The following ATAD3A variants were observed in gnomAD, a reference collection of about 807,000 sequenced individuals.
ATAD3A encodes ATPase family AAA domain containing 3A, also known as ATPase family AAA domain-containing protein 3A.
Under a neutral mutation model 73.8 loss-of-function variants are expected in ATAD3A, and 46 were observed. The observed-to-expected ratio is 0.62, with a 90% CI of 0.49 to 0.80. The LOEUF (loss-of-function observed/expected upper bound fraction) is 0.80. Ranked by LOEUF, ATAD3A falls within the 30% of genes least tolerant of loss-of-function variation. ATAD3A has a pLI of 0.00. For synonymous variants in ATAD3A, 319 were observed against 350.0 expected (o/e 0.91, Z 0.99); for missense variants, 705 against 838.0 (o/e 0.84, Z 1.96).
At chr1:1,533,633 C>T (rs535935159) in intron 15 of ATAD3A, among the ~76,000 whole-genome samples, 6 of 152,256 alleles carry the variant, frequency 3.9e-5, no homozygotes, top group Non-Finnish European at 7.3e-5. Flanking sequence ...ACCTGCCTCT[C>T]GGAAGCTGCC....
Position 1,534,052 on chromosome 1 carries a change from G to T in ATAD3A, c.1741G>T (p.Asp581Tyr), listed in dbSNP as rs1277010534. 12 of 1,613,632 alleles carry T rather than the reference G, an allele frequency of 7.4e-6. No individual in the cohort carries two copies. Among genetic ancestry groups the T allele is most frequent in the Admixed American group, 1.7e-5 (1 of 60,022 alleles). Residue 581 changes from aspartate (D) to tyrosine (Y), a missense_variant, in exon 16 of 16, where the codon GAC (aspartate) becomes TAC (tyrosine). Physicochemically the swap from Asp to Tyr is radical, Grantham distance 160 (BLOSUM62 -3). Around this residue, in one of 5 missense-constraint regions of ATAD3A, gnomAD observed 252 missense variants for 278.5 expected, o/e 0.90. Coordinates refer to ENST00000378756, the MANE Select transcript of ATAD3A (RefSeq NM_001170535.3). ...GAAGGCGGAAGGGCCTGGGCGTGGG[G>T]ACGAGCCCTCCCCATCCTGAGTCCA... Reference protein sequence around the residue: ...WLKAEGPGRGDEPSPS With the variant: ...WLKAEGPGRGYEPSPS
chr1:1,534,334 A>G lies in ATAD3A; in HGVS notation c.*262A>G, dbSNP rs113891191. On this transcript the variant is annotated 3_prime_UTR_variant, in exon 16 of 16. Coordinates refer to ENST00000378756, the MANE Select transcript of ATAD3A (RefSeq NM_001170535.3). ...GGGAGATGCATTTTCCGTCTGGCTC[A>G]CAGGGGGAGGGTGAGGCTTTGCACC... is the stretch of plus-strand genomic sequence containing the variant. The G allele has an allele frequency of 1.4e-6, 2 of 1,410,934 alleles. No individual in the cohort carries two copies. The highest frequency in any genetic ancestry group is 1.4e-5 in the African/African-American group (1 of 69,080). The allele number at this position is 1,410,934 out of a possible 1,614,324, so 87.4% of individuals were successfully genotyped here. A position where few individuals can be genotyped will look rare whatever the true frequency, so the allele number is the denominator to read the frequency against.
At chr1:1,521,515 C>A (rs1641599476) in intron 7 of ATAD3A, among the ~76,000 whole-genome samples, 3 of 152,156 alleles carry the variant, frequency 2.0e-5, no homozygotes, top group Admixed American at 2.0e-4. Flanking sequence ...CCGCCCAGCA[C>A]ACGGTAGGTG....
intron 1 of ATAD3A, among the ~76,000 whole-genome samples, chr1:1,514,646 G>T (rs1379959867): frequency 6.6e-6 from 1 of 152,152 alleles, no homozygotes; most frequent in Non-Finnish European, 1.5e-5. Flanking sequence ...TAAATGCAAC[G>T]AGTGCTCCCC....
intron 11 of ATAD3A, 143 bp from the exon 12 acceptor site, chr1:1,525,097 G>A: frequency 8.5e-7 from 1 of 1,172,858 alleles, no homozygotes; most frequent in Non-Finnish European, 1.2e-6. Context: ...CTTCTGTCGA[G>A]TCCAGGACTT....
intron 15 of ATAD3A, among the ~76,000 whole-genome samples, 156 bp from the exon 16 acceptor site, chr1:1,533,770 C>G (rs41285836): frequency 6.6e-6 from 1 of 151,450 alleles, no homozygotes; most frequent in Non-Finnish European, 1.5e-5. Flanking sequence ...TGTCCACACA[C>G]GTGCTGGGCT....
chr1:1,520,082 G>C lies in ATAD3A; in HGVS notation c.515-59G>C. 1 of 1,561,568 alleles carries C rather than the reference G, an allele frequency of 6.4e-7. No individual in the cohort carries two copies. Among genetic ancestry groups the C allele is most frequent in the Non-Finnish European group, 8.7e-7 (1 of 1,153,832 alleles). On this transcript the variant is annotated intron_variant, in intron 5 of 15. Transcript: ENST00000378756. The surrounding 1 kb of genome is among the most constrained non-coding windows in gnomAD (Gnocchi z 4.0). ...CGTGGCGTGGGCCGGTCCACAGTGT[G>C]GGTGGAGGTGGACGCGCTGCACTGC...
At position 1,530,853 on chromosome 1, in the gene ATAD3A, A is replaced by AAAC. The variant is rs1642010729; in HGVS notation, c.1614+1523_1614+1525dup. On this transcript the variant is annotated intron_variant, in intron 15 of 15. Coordinates refer to ENST00000378756, the MANE Select transcript of ATAD3A (RefSeq NM_001170535.3). ...CAAAAAAAAAAAAAAAAAAAAAAAA[A>AAAC]AACTAAGAATAATTTGGAACGAGTG... Among the ~76,000 whole-genome samples the AAAC allele has an allele frequency of 2.1e-5, 3 of 145,266 alleles. 1 individual carries two copies. Among genetic ancestry groups the AAAC allele is most frequent in the African/African-American group, 8.0e-5 (3 of 37,360 alleles).
chr1:1,520,134 G>T lies in ATAD3A; in HGVS notation c.515-7G>T. 6.2e-7 allele frequency: 1 copy of T among 1,608,768 alleles called. No homozygotes were observed. The highest frequency in any genetic ancestry group is 1.7e-5 in the Admixed American group (1 of 59,568). On this transcript the variant is annotated splice_polypyrimidine_tract_variant and splice_region_variant and intron_variant, in intron 5 of 15. Transcript: ENST00000378756. The surrounding 1 kb of genome is among the most constrained non-coding windows in gnomAD (Gnocchi z 4.0). ...TGGTGCTGAGCTGCCCTGCCTCTCT[G>T]GGGCAGCCACCGTGGAGCGGGAGAT...
intron 1 of ATAD3A, among the ~76,000 whole-genome samples, chr1:1,514,667 C>T (rs1641298800): frequency 6.6e-6 from 1 of 152,188 alleles, no homozygotes; most frequent in Admixed American, 6.5e-5. Context: ...ACGGCACTTC[C>T]CCCTGCGTCA....
chr1:1,523,589 C>A lies in ATAD3A; in HGVS notation c.963+22C>A. The A allele has an allele frequency of 6.2e-7, 1 of 1,612,498 alleles. No homozygotes were observed. Among genetic ancestry groups the A allele is most frequent in the Non-Finnish European group, 8.5e-7 (1 of 1,179,768 alleles). On this transcript the variant is annotated intron_variant, in intron 9 of 15. Transcript: ENST00000378756. The surrounding 1 kb of genome is among the most constrained non-coding windows in gnomAD (Gnocchi z 5.1). ...CAGTGTAAGTCGGTGTGCCTGGGAC[C>A]GGGGAGGCGCAGGGAGGGGACCCTG...
In ATAD3A at chr1:1,523,632, G is replaced by A. The variant is rs1011740349; in HGVS notation, c.963+65G>A. The A allele has an allele frequency of 6.2e-7, 1 of 1,607,376 alleles. No individual in the cohort carries two copies. Among genetic ancestry groups the A allele is most frequent in the African/African-American group, 1.3e-5 (1 of 74,704 alleles). On this transcript the variant is annotated intron_variant, in intron 9 of 15. Coordinates refer to ENST00000378756, the MANE Select transcript of ATAD3A (RefSeq NM_001170535.3). This position sits in a 1 kb window ranked among gnomAD's most constrained non-coding sequence, Gnocchi z 5.1. ...GGACCCTGGAGCTGGGCCGGGCTGT[G>A]GCCCTTGCTGGCGCTCGTGGTGGCA...
At chr1:1,521,149 A>G (rs1382104185) in intron 7 of ATAD3A, among the ~76,000 whole-genome samples, 2 of 151,530 alleles carry the variant, frequency 1.3e-5, no homozygotes, top group Non-Finnish European at 2.9e-5. Context: ...AATACAAAAA[A>G]TTAGCCGGGC....
chr1:1,516,768 T>C (rs1345518651), intron 2 of ATAD3A, among the ~76,000 whole-genome samples: 1 of 151,974 alleles, frequency 6.6e-6, no homozygotes, highest in African/African-American at 2.4e-5. Context: ...TCCAGGCCGG[T>C]GTGCAGTGGC....
Position 1,533,937 on chromosome 1 carries a change from T to C in ATAD3A, c.1626T>C (p.Tyr542=). The change falls in exon 16 of 16, where the codon TAT becomes TAC. Residue 542 remains tyrosine, a synonymous_variant. Transcript: ENST00000378756. The part of the protein sequence containing the change: ...QLAVSWQATA[Y]ASEDGVLTEA... The stretch of plus-strand genomic sequence containing the variant: ...TCTCTCCCCACTAGGCCACGGCGTA[T>C]GCCTCCGAGGACGGGGTCCTGACCG... 1 of 1,612,984 alleles carries C rather than the reference T, an allele frequency of 6.2e-7. No individual in the cohort carries two copies. The highest frequency in any genetic ancestry group is 1.7e-5 in the Admixed American group (1 of 59,980).
intron 14 of ATAD3A, among the ~76,000 whole-genome samples, chr1:1,528,491 G>A (rs1210579137): frequency 6.6e-6 from 1 of 152,218 alleles, no homozygotes; most frequent in South Asian, 2.1e-4. Context: ...TGCCACACCC[G>A]GCCCTGGAGC....
intron 15 of ATAD3A, among the ~76,000 whole-genome samples, chr1:1,532,927 C>G (rs1320573171): frequency 1.3e-5 from 2 of 151,876 alleles, no homozygotes; most frequent in African/African-American, 4.8e-5. Context: ...CGGTCAGTGT[C>G]TCCTGCGCTC....
At chr1:1,525,126 G>C (rs764360847) in intron 11 of ATAD3A, 114 bp from the exon 12 acceptor site, 162 of 1,431,760 alleles carry the variant, frequency 1.1e-4, no homozygotes, top group Non-Finnish European at 1.5e-4. Context: ...TGATGGGGCA[G>C]AGCCTGACCC....
Position 1,522,820 on chromosome 1 carries a change from A to G in ATAD3A, c.827A>G (p.Glu276Gly). The change falls in exon 8 of 16, where the codon GAG becomes GGG. Residue 276 changes from glutamate to glycine, a missense_variant. By Grantham distance (98) the Glu-to-Gly change is moderately conservative (BLOSUM62 -2). This residue lies in a region of ATAD3A where 315 missense variants were observed against 334.1 expected (regional missense o/e 0.94). Transcript: ENST00000378756. ...ACGCTTGTCGCCGGCCGCTTCATCGAGGCTCGGCTGGGGAAGCCGTCCCTA... is the reference window on the plus strand; with the variant it reads ...ACGCTTGTCGCCGGCCGCTTCATCGGGGCTCGGCTGGGGAAGCCGTCCCTA... ...NATLVAGRFI[E>G]ARLGKPSLVR... is the part of the protein sequence containing the mutation. 2 of 1,610,962 alleles carry G rather than the reference A, an allele frequency of 1.2e-6. No individual in the cohort carries two copies. The highest frequency in any genetic ancestry group is 3.9e-4 in the Middle Eastern group (2 of 5,132).
Sources: allele counts gnomAD v4.1 joint callset (sites outside exome capture counted in the v4.1 genomes callset), GRCh38; gene constraint gnomAD v4.1.1; regional missense constraint gnomAD v4.1.1; non-coding constraint Gnocchi (gnomAD v3.1); transcripts MANE v1.5; gene names NCBI Gene and HGNC (gene_info 2026-07-23, HGNC 2026-07-21).